The following CD1B variants were observed in gnomAD, a reference collection of about 807,000 sequenced individuals.
CD1B encodes CD1b molecule.
A neutral mutation model predicts 39.8 loss-of-function variants in CD1B; 43 were observed. The observed-to-expected ratio is 1.08, with a 90% CI of 0.85 to 1.39. The LOEUF (loss-of-function observed/expected upper bound fraction) is 1.39. CD1B is among the 40% of genes most tolerant of loss of function. The pLI is 0.00. For synonymous variants in CD1B, 192 were observed against 152.5 expected (o/e 1.26, Z -1.91); for missense variants, 495 against 403.8 (o/e 1.23, Z -1.94).
chr1:158,296,228 G>A, the CD1B span, among the ~76,000 whole-genome samples: 9 of 151,860 alleles, frequency 5.9e-5, no homozygotes, highest in African/African-American at 2.2e-4. Flanking sequence ...GAGCACCTTG[G>A]CCCCCTCCAG....
the CD1B span, chr1:158,291,046 A>T: frequency 7.4e-7 from 1 of 1,343,006 alleles, no homozygotes; most frequent in Non-Finnish European, 1.0e-6. Context: ...TCTCTGTGGT[A>T]ACTGGTTCAC....
the CD1B span, among the ~76,000 whole-genome samples, chr1:158,286,484 C>A: frequency 1.3e-5 from 2 of 152,216 alleles, no homozygotes; most frequent in African/African-American, 2.4e-5. Flanking sequence ...TTCATGAAAG[C>A]AATTTGAATA....
At chr1:158,301,212 A>G in the CD1B span, among the ~76,000 whole-genome samples, 1 of 151,970 alleles carries the variant, frequency 6.6e-6, no homozygotes, top group African/African-American at 2.4e-5. Context: ...TCTCCTGAAT[A>G]CAGCACACTG....
chr1:158,293,110 T>G, the CD1B span: 1 of 992,748 alleles, frequency 1.0e-6, no homozygotes, highest in Non-Finnish European at 1.5e-6. Context: ...GGATAACTGA[T>G]GCAACTCATC....
chr1:158,326,605 CAT>C (rs1272316994), downstream of CD1B, among the ~76,000 whole-genome samples: 1 of 151,910 alleles, frequency 6.6e-6, no homozygotes, highest in African/African-American at 2.4e-5. Flanking sequence ...TTGGGGATGT[CAT>C]AATGTAATTT....
At chr1:158,315,757 C>T in the CD1B span, among the ~76,000 whole-genome samples, 1 of 151,974 alleles carries the variant, frequency 6.6e-6, no homozygotes, top group African/African-American at 2.4e-5. Flanking sequence ...AATGGTATTG[C>T]CTAGGTTTTC....
At chr1:158,286,504 G>A in the CD1B span, among the ~76,000 whole-genome samples, 1 of 152,222 alleles carries the variant, frequency 6.6e-6, no homozygotes, top group African/African-American at 2.4e-5. Flanking sequence ...ATTTTAGGCT[G>A]ATAGACATTC....
rs772814417 is a variant in CD1B, at chr1:158,329,648, A to G, written c.608T>C (p.Val203Ala). ...ACTGGACAGCCAGGCCTCAGGCTTC[A>G]CTAAGGCAGGAAGGAGAAAAAAAAG... ...NAGKADLQRQ[V>A]KPEAWLSSGP... is the part of the protein sequence containing the mutation. Residue 203 changes from valine (V) to alanine (A), a missense_variant and splice_region_variant, in exon 4 of 6, where the codon GTG becomes GCG. Transcript: ENST00000368168. 1.2e-6 allele frequency: 2 copies of G among 1,613,310 alleles called. No homozygotes were observed. The highest frequency in any genetic ancestry group is 3.3e-5 in the Admixed American group (2 of 59,986).
chr1:158,320,455 G>A, the CD1B span, among the ~76,000 whole-genome samples: 2 of 152,132 alleles, frequency 1.3e-5, no homozygotes, highest in African/African-American at 4.8e-5. Flanking sequence ...CTTTGACTAG[G>A]AAAGGGAACT....
Position 158,331,377 on chromosome 1 carries a change from C to A in CD1B, c.47G>T (p.Gly16Val), listed in dbSNP as rs1652598066. The change falls in exon 1 of 6, where the codon GGT (glycine) becomes GTT (valine). Residue 16 changes from glycine to valine, a missense_variant. Gly to Val is a moderately radical substitution (Grantham distance 109). Coordinates refer to ENST00000368168, the MANE Select transcript of CD1B (RefSeq NM_001764.3). ...FQLLAVLFPG[G>V]NSEHAFQGPT... ...GTGACTCTTACCATGTTCACTGTTA[C>A]CACCAGGAAAGAGAACAGCTAACAG... 1.1e-5 allele frequency: 17 copies of A among 1,613,878 alleles called. No homozygotes were observed. The highest frequency in any genetic ancestry group is 1.4e-5 in the Non-Finnish European group (17 of 1,179,802).
downstream of CD1B, among the ~76,000 whole-genome samples, chr1:158,324,932 CT>C (rs919911855): frequency 2.6e-5 from 4 of 152,098 alleles, no homozygotes; most frequent in African/African-American, 9.7e-5. Context: ...AATAAAACAA[CT>C]ACTATGATAG....
At chr1:158,301,575 C>T in the CD1B span, among the ~76,000 whole-genome samples, 24 of 152,170 alleles carry the variant, frequency 1.6e-4, no homozygotes, top group African/African-American at 4.3e-4. Flanking sequence ...ATGAAATTCT[C>T]GGTTGAAAAT....
chr1:158,303,078 T>C, the CD1B span, among the ~76,000 whole-genome samples: 1 of 152,186 alleles, frequency 6.6e-6, no homozygotes, highest in African/African-American at 2.4e-5. Context: ...AAAAAGCTAA[T>C]CTGCTATTAT....
intron 2 of CD1B, chr1:158,330,558 A>G: frequency 1.5e-6 from 1 of 684,102 alleles, no homozygotes; most frequent in Non-Finnish European, 2.7e-6. Flanking sequence ...ACAAACCAGC[A>G]GCTGGTTACA....
chr1:158,319,251 CAG>C, the CD1B span, among the ~76,000 whole-genome samples: 1 of 151,802 alleles, frequency 6.6e-6, no homozygotes, highest in Admixed American at 6.6e-5. Context: ...TAATATCCTG[CAG>C]AGTGTTTTCC....
chr1:158,292,254 A>C, the CD1B span: 1 of 1,614,174 alleles, frequency 6.2e-7, no homozygotes, highest in Non-Finnish European at 8.5e-7. Flanking sequence ...TCATCTACTC[A>C]ATCATCAGTA....
At chr1:158,294,210 G>T in the CD1B span, among the ~76,000 whole-genome samples, 1 of 152,334 alleles carries the variant, frequency 6.6e-6, no homozygotes, top group Non-Finnish European at 1.5e-5. Context: ...CAAGAGATTT[G>T]GTCCTCAGGG....
At chr1:158,302,235 TA>T in the CD1B span, among the ~76,000 whole-genome samples, 1 of 152,110 alleles carries the variant, frequency 6.6e-6, no homozygotes, top group African/African-American at 2.4e-5. Context: ...GAAATTGTTC[TA>T]ACAAATGAAA....
Position 158,331,058 on chromosome 1 carries a change from G to C in CD1B, c.66C>G (p.Phe22Leu), listed in dbSNP as rs913338908. The C allele has an allele frequency of 3.7e-6, 6 of 1,601,800 alleles. No homozygotes were observed. Among genetic ancestry groups the C allele is most frequent in the Non-Finnish European group, 4.3e-6 (5 of 1,175,422 alleles). The stretch of plus-strand genomic sequence containing the variant: ...TAACATGAAAGGAGGTCGGCCCCTG[G>C]AAGGCTGTGAAGAGTGGAAAAGCAA... The part of the protein sequence containing the change: ...LFPGGNSEHA[F>L]QGPTSFHVIQ... Residue 22 changes from phenylalanine (F) to leucine (L), a missense_variant, in exon 2 of 6, where the codon TTC (phenylalanine) becomes TTG (leucine). Coordinates refer to ENST00000368168, the MANE Select transcript of CD1B (RefSeq NM_001764.3).
Sources: gnomAD v4.1 joint callset for allele counts (sites outside exome capture counted in the v4.1 genomes callset) on GRCh38, gnomAD v4.1.1 for gene constraint, MANE v1.5 for transcripts, NCBI Gene and HGNC (gene_info 2026-07-23, HGNC 2026-07-21) for gene names.